YEATS2: variants seen among roughly 807,000 people sequenced by gnomAD.
YEATS2 encodes the protein YEATS domain-containing protein 2.
In YEATS2, 77 loss-of-function variants were observed where a neutral mutation model predicts 163.2. The ratio of observed to expected loss-of-function variants is 0.47; its 90% CI spans 0.39 to 0.57. The LOEUF is 0.57. YEATS2 is among the 20% of genes least tolerant of loss of function. The pLI, the probability that YEATS2 is intolerant of heterozygous loss-of-function variation, is 0.00. For missense variants in YEATS2, 1,549 were observed against 1,729.8 expected, an observed-to-expected ratio of 0.90 and a Z score of 1.85; for synonymous variants, 631 against 645.1, an observed-to-expected ratio of 0.98 and a Z score of 0.33.
chr3:183,732,952 C>A (rs974764146), intron 7 of YEATS2, among the ~76,000 whole-genome samples: 2 of 151,818 alleles, frequency 1.3e-5, no homozygotes, highest in African/African-American at 4.9e-5. Context: ...CCTCGAACTC[C>A]TGGGCTCGAA....
At chr3:183,784,561 C>G (rs1023163541) in intron 19 of YEATS2, among the ~76,000 whole-genome samples, 1 of 152,132 alleles carries the variant, frequency 6.6e-6, no homozygotes, top group African/African-American at 2.4e-5. Flanking sequence ...TGTCTCTACT[C>G]TGTTGATAGT....
At chr3:183,779,945 C>G (rs911396482) in intron 19 of YEATS2, among the ~76,000 whole-genome samples, 1 of 151,406 alleles carries the variant, frequency 6.6e-6, no homozygotes, top group African/African-American at 2.4e-5. Flanking sequence ...ATCTGCCCGC[C>G]TCGGCCTCCC....
intron 27 of YEATS2, chr3:183,806,224 C>G (rs1450390110): frequency 2.2e-6 from 1 of 449,924 alleles, no homozygotes; most frequent in Non-Finnish European, 4.4e-6. Flanking sequence ...AGGATATAGC[C>G]CCAGCCATCA....
chr3:183,793,851 G>T (rs989491037), intron 21 of YEATS2, among the ~76,000 whole-genome samples: 1 of 152,062 alleles, frequency 6.6e-6, no homozygotes, highest in African/African-American at 2.4e-5. Flanking sequence ...AACCTCAGGT[G>T]ATCCGCCCGC....
rs73175329 is a variant in YEATS2 at position 183,762,226 on chromosome 3, G to A, written c.1894G>A (p.Val632Ile). 176 of 1,613,346 alleles carry A rather than the reference G, an allele frequency of 1.1e-4. No homozygotes were observed. The highest frequency in any genetic ancestry group is 1.7e-4 in the Middle Eastern group (1 of 6,052). Residue 632 changes from valine to isoleucine, a missense_variant, in exon 15 of 31, where the codon GTC becomes ATC. Val to Ile is a conservative substitution (Grantham distance 29). Transcript: ENST00000305135. ...HMIAVSPQKQ[V>I]ITPGEGIAQS... ...GATAGCTGTGTCCCCTCAAAAACAG[G>A]TCATAACTCCTGGAGAAGGGATTGC...
chr3:183,736,539 T>C (rs1020533991), intron 7 of YEATS2, among the ~76,000 whole-genome samples, 179 bp from the exon 8 acceptor site: 2 of 152,234 alleles, frequency 1.3e-5, no homozygotes, highest in Non-Finnish European at 2.9e-5. Flanking sequence ...AGTTGAGTTT[T>C]TTCTTTTAAA....
intron 5 of YEATS2, among the ~76,000 whole-genome samples, chr3:183,723,896 A>G (rs994485104): frequency 2.0e-5 from 3 of 152,182 alleles, no homozygotes; most frequent in Non-Finnish European, 4.4e-5. Context: ...TGGTTGACAG[A>G]GCGAGATTCT....
chr3:183,730,055 T>TGC (rs376011021), intron 7 of YEATS2, among the ~76,000 whole-genome samples: 2 of 23,282 alleles, frequency 8.6e-5, no homozygotes, highest in Non-Finnish European at 1.4e-4. Flanking sequence ...TTTGTTTGTT[T>TGC]TTTTTTTTTT....
chr3:183,807,759 T>C (rs766539041), intron 28 of YEATS2: 8 of 379,514 alleles, frequency 2.1e-5, no homozygotes, highest in Non-Finnish European at 3.8e-5. Flanking sequence ...CCCAGGCAGA[T>C]CCCAACCATG....
chr3:183,791,242 C>T (rs1435835277), intron 21 of YEATS2, among the ~76,000 whole-genome samples: 1 of 152,102 alleles, frequency 6.6e-6, no homozygotes, highest in African/African-American at 2.4e-5. Flanking sequence ...ACCACGTTGC[C>T]CAGGCTGGTG....
intron 1 of YEATS2, among the ~76,000 whole-genome samples, chr3:183,707,504 T>G (rs1383931425): frequency 5.3e-5 from 8 of 152,172 alleles, no homozygotes; most frequent in African/African-American, 1.9e-4. Context: ...AGAGTCTTAT[T>G]CAGATATTTA....
At chr3:183,722,409 C>A (rs1402401004) in intron 5 of YEATS2, among the ~76,000 whole-genome samples, 1 of 150,994 alleles carries the variant, frequency 6.6e-6, no homozygotes, top group East Asian at 1.9e-4. Context: ...CTGCTTCAGC[C>A]TCCTGAGTAG....
At chr3:183,803,360 C>T in intron 26 of YEATS2, 25 bp downstream of exon 26, 1 of 1,598,510 alleles carries the variant, frequency 6.3e-7, no homozygotes, top group Non-Finnish European at 8.5e-7. Flanking sequence ...CCTGTCCACT[C>T]TGGCTGCCTC....
chr3:183,807,258 C>T lies in YEATS2; in HGVS notation c.4011+166C>T, dbSNP rs1577234502. 1.1e-5 allele frequency: 7 copies of T among 642,542 alleles called. No homozygotes were observed. The East Asian group carries it at 2.0e-4, about 18-fold the overall frequency. 39.8% of individuals were successfully genotyped at this position (642,542 alleles called of 1,614,324 possible). A position where few individuals can be genotyped will look rare whatever the true frequency, so the allele number is the denominator to read the frequency against. On this transcript the variant is annotated intron_variant, in intron 28 of 30. Coordinates refer to ENST00000305135, the MANE Select transcript of YEATS2 (RefSeq NM_018023.5). ...GCTTGACTTCCTTCTGCCTGGTTGA[C>T]CCAGGTGTGCTCTCAGGGCTCCCAC...
At position 183,728,871 on chromosome 3, in the gene YEATS2, T is replaced by G. The variant is rs777322899; in HGVS notation, c.812+20T>G. On this transcript the variant is annotated intron_variant, in intron 7 of 30. Transcript: ENST00000305135. ...AGTTAGGTAAGCACGCTTGAGGTAT[T>G]TAACCTAAATTGAAATGCAGACTTA... 8.2e-6 allele frequency: 13 copies of G among 1,583,880 alleles called. No homozygotes were observed. The East Asian group carries it at 1.3e-4, about 16-fold the overall frequency.
In YEATS2 at chr3:183,806,890, C is replaced by T. The variant is rs752773736; in HGVS notation, c.3809C>T (p.Ala1270Val). Residue 1270 changes from alanine (A) to valine (V), a missense_variant, in exon 28 of 31, where the codon GCT becomes GTT. Coordinates refer to ENST00000305135, the MANE Select transcript of YEATS2 (RefSeq NM_018023.5). ...GAGTGCCCATCATCATTCTCCTCTG[C>T]TGACAACCTCTGCCGCAAACTGGAG... ...EPECPSSFSS[A>V]DNLCRKLEDL... 5 of 1,613,998 alleles carry T rather than the reference C, an allele frequency of 3.1e-6. No homozygotes were observed. The highest frequency in any genetic ancestry group is 4.2e-6 in the Non-Finnish European group (5 of 1,179,930).
chr3:183,752,745 A>G (rs558979762), intron 10 of YEATS2, among the ~76,000 whole-genome samples: 13 of 151,600 alleles, frequency 8.6e-5, no homozygotes, highest in Admixed American at 5.3e-4. Context: ...AGTTTTACTG[A>G]CATATTATAA....
intron 11 of YEATS2, among the ~76,000 whole-genome samples, chr3:183,755,472 A>T (rs1254973172): frequency 6.6e-6 from 1 of 152,182 alleles, no homozygotes; most frequent in Admixed American, 6.5e-5. Context: ...GCTACTTCAG[A>T]GGTGGAATAG....
At chr3:183,758,831 G>GT (rs1721036066) in intron 12 of YEATS2, 31 bp from the exon 13 acceptor site, 7 of 1,411,636 alleles carry the variant, frequency 5.0e-6, no homozygotes, top group Non-Finnish European at 6.9e-6. Context: ...ATTTTACTTT[G>GT]TTTATGTTTT....
Sources: allele counts gnomAD v4.1 joint callset (sites outside exome capture counted in the v4.1 genomes callset), GRCh38; gene constraint gnomAD v4.1.1; transcripts MANE v1.5; gene names NCBI Gene and HGNC (gene_info 2026-07-23, HGNC 2026-07-21).